The following PFKFB4 variants were observed in gnomAD, a reference collection of about 807,000 sequenced individuals.
PFKFB4 encodes the protein 6-phosphofructo-2-kinase/fructose-2,6-bisphosphatase 4.
In PFKFB4, 42 loss-of-function variants were observed where a neutral mutation model predicts 62.8. The observed-to-expected ratio is 0.67, with a 90% CI of 0.52 to 0.86. PFKFB4 has a LOEUF of 0.86. Ranked by LOEUF, PFKFB4 falls within the 40% of genes least tolerant of loss-of-function variation. PFKFB4 has a pLI of 0.00. For missense variants in PFKFB4, 475 were observed against 627.2 expected (o/e 0.76, Z 2.59); for synonymous variants, 204 against 240.7 (o/e 0.85, Z 1.41).
chr3:48,559,008 C>T (rs558969615), upstream of PFKFB4, among the ~76,000 whole-genome samples: 2 of 152,344 alleles, frequency 1.3e-5, no homozygotes, highest in East Asian at 3.9e-4. Context: ...TATCTACAGA[C>T]ACCCAGCACC....
intron 4 of PFKFB4, among the ~76,000 whole-genome samples, chr3:48,542,251 G>A (rs1051132263): frequency 6.0e-5 from 9 of 151,020 alleles, no homozygotes; most frequent in Non-Finnish European, 1.2e-4. Context: ...GGAGAGTGGC[G>A]TGAACCCAGG....
At chr3:48,535,486 G>A (rs1187418263) in intron 9 of PFKFB4, 26 bp downstream of exon 9, 6 of 1,594,940 alleles carry the variant, frequency 3.8e-6, no homozygotes, top group Non-Finnish European at 5.2e-6. Flanking sequence ...CTGGGAGGTA[G>A]ACAGGGAGGG....
chr3:48,556,685 G>C lies in PFKFB4; in HGVS notation c.93C>G (p.Arg31=). ...TCCCAGAGGACCCCGCCTCACCACC[G>C]CGCTGGCAAGCGTGCAGAGCGGGCC... The part of the protein sequence containing the change: ...NGRPALHACQ[R]GVCMTNCPTL... Residue 31 remains arginine (R), a synonymous_variant, in exon 1 of 14, where the codon CGC becomes CGG. Transcript: ENST00000232375. The surrounding 1 kb of genome is among the most constrained non-coding windows in gnomAD (Gnocchi z 5.7). 7.2e-7 allele frequency: 1 copy of C among 1,382,634 alleles called. No homozygotes were observed. The highest frequency in any genetic ancestry group is 1.1e-5 in the South Asian group (1 of 87,744). 85.6% of individuals were successfully genotyped at this position (1,382,634 alleles called of 1,614,324 possible).
chr3:48,538,945 G>A (rs2042715917), intron 6 of PFKFB4, among the ~76,000 whole-genome samples: 1 of 152,292 alleles, frequency 6.6e-6, no homozygotes, highest in African/African-American at 2.4e-5. Context: ...TGGGGGAGGG[G>A]AAGGAAAGAA....
chr3:48,536,763 G>C lies in PFKFB4; in HGVS notation c.633-300C>G, dbSNP rs937002035. The C allele has an allele frequency of 1.6e-5, 6 of 387,064 alleles. 1 individual carries two copies. The highest frequency in any genetic ancestry group is 1.2e-4 in the African/African-American group (6 of 49,672). 24.0% of individuals were successfully genotyped at this position (387,064 alleles called of 1,614,324 possible). A position where few individuals can be genotyped will look rare whatever the true frequency, so the allele number is the denominator to read the frequency against. On this transcript the variant is annotated intron_variant, in intron 7 of 13. Coordinates refer to ENST00000232375, the MANE Select transcript of PFKFB4 (RefSeq NM_004567.4). The stretch of plus-strand genomic sequence containing the variant: ...GCCATACCACATCATGACTTTCTCC[G>C]CTGCTCATGTGTCCCTGGGGCCCCT...
chr3:48,538,711 GA>G, intron 6 of PFKFB4, 92 bp from the exon 7 acceptor site: 1 of 1,551,318 alleles, frequency 6.4e-7, no homozygotes, highest in Non-Finnish European at 8.8e-7. Flanking sequence ...GGGGCTGGAG[GA>G]GGTTGCACCG....
intron 3 of PFKFB4, among the ~76,000 whole-genome samples, chr3:48,549,613 CCT>C (rs1441567128): frequency 6.6e-6 from 1 of 152,062 alleles, no homozygotes; most frequent in Non-Finnish European, 1.5e-5. Flanking sequence ...CACAACACAC[CCT>C]CTCCTCTCAT....
At chr3:48,538,673 G>T (rs2042706394) in intron 6 of PFKFB4, 54 bp from the exon 7 acceptor site, 1 of 1,610,766 alleles carries the variant, frequency 6.2e-7, no homozygotes, top group Non-Finnish European at 8.5e-7. Flanking sequence ...GCCAGGCGGG[G>T]CCAGAGACCA....
upstream of PFKFB4, among the ~76,000 whole-genome samples, chr3:48,558,062 TTAAG>T (rs1392128389): frequency 1.3e-5 from 2 of 152,182 alleles, no homozygotes; most frequent in African/African-American, 2.4e-5. Context: ...ACAGTATAAA[TTAAG>T]TATGTCAATC....
At chr3:48,529,266 A>C (rs1430416664) in intron 9 of PFKFB4, among the ~76,000 whole-genome samples, 1 of 151,604 alleles carries the variant, frequency 6.6e-6, no homozygotes, top group Non-Finnish European at 1.5e-5. Flanking sequence ...TAAAGCTATC[A>C]TTTTTTTAAA....
upstream of PFKFB4, chr3:48,562,728 T>C (rs2043452787): frequency 6.9e-7 from 1 of 1,452,442 alleles, no homozygotes; most frequent in East Asian, 2.5e-5. This position sits in a 1 kb window ranked among gnomAD's most constrained non-coding sequence, Gnocchi z 4.3. Context: ...GCTGTGTGGC[T>C]GCCCTCCAGG....
At chr3:48,545,233 G>A (rs2042925949) in intron 3 of PFKFB4, among the ~76,000 whole-genome samples, 1 of 152,130 alleles carries the variant, frequency 6.6e-6, no homozygotes. Flanking sequence ...CTGGGTTCAA[G>A]CAATTATCCT....
At chr3:48,557,389 T>A (rs1240535727), upstream of PFKFB4, among the ~76,000 whole-genome samples, 2 of 152,178 alleles carry the variant, frequency 1.3e-5, no homozygotes, top group Non-Finnish European at 2.9e-5. Flanking sequence ...GGGTCCCCCT[T>A]GACTGCTCCG....
At chr3:48,559,647 T>C, upstream of PFKFB4, 1 of 456,342 alleles carries the variant, frequency 2.2e-6, no homozygotes. Flanking sequence ...AGCCAGCTGT[T>C]CTGTCCCAGG....
chr3:48,520,915 GCCATCTGGGCCTT>G (rs2042077799), intron 13 of PFKFB4, among the ~76,000 whole-genome samples: 1 of 152,214 alleles, frequency 6.6e-6, no homozygotes, highest in Non-Finnish European at 1.5e-5. Flanking sequence ...GGGGCCCAGT[GCCATCTGGGCCTT>G]CCTTGGCCCA....
rs961042681 is a variant in PFKFB4, at chr3:48,518,454, C to T, written c.*1293G>A. ...GTCCACCTGTGGACAGCAGGGCACC[C>T]GATTACAAGTCCAGACACTTTCTGA... On this transcript the variant is annotated 3_prime_UTR_variant, in exon 14 of 14. Coordinates refer to ENST00000232375, the MANE Select transcript of PFKFB4 (RefSeq NM_004567.4). 2 of 152,286 alleles carry T rather than the reference C, an allele frequency of 1.3e-5. No individual in the cohort carries two copies. The highest frequency in any genetic ancestry group is 6.5e-5 in the Admixed American group (1 of 15,280). The allele number at this position is 152,286 out of a possible 1,614,324, so 9.4% of individuals were successfully genotyped here.
rs772762751 is a variant in PFKFB4 at position 48,538,663 on chromosome 3, G to A, written c.511-44C>T. 7 of 1,612,282 alleles carry A rather than the reference G, an allele frequency of 4.3e-6. No homozygotes were observed. The South Asian group carries it at 7.7e-5, about 18-fold the overall frequency. Reference sequence around the variant, plus strand: ...GAGAAAGGACATATCAGGGTCAGGAGCCAGGCGGGGCCAGAGACCAAGGAG... The same window carrying A: ...GAGAAAGGACATATCAGGGTCAGGAACCAGGCGGGGCCAGAGACCAAGGAG... On this transcript the variant is annotated intron_variant, in intron 6 of 13. Transcript: ENST00000232375.
At position 48,519,743 on chromosome 3, in the gene PFKFB4, A is replaced by G; in HGVS notation, c.*4T>C. ...TGCCTAGTGGTCACAGTGGATGAAC[A>G]TGGTCACTGGTGAGCAGGCACCGTG... On this transcript the variant is annotated 3_prime_UTR_variant, in exon 14 of 14. Transcript: ENST00000232375. 8 of 1,610,420 alleles carry G rather than the reference A, an allele frequency of 5.0e-6. No individual in the cohort carries two copies. Among genetic ancestry groups the G allele is most frequent in the Non-Finnish European group, 6.8e-6 (8 of 1,177,020 alleles).
intron 9 of PFKFB4, among the ~76,000 whole-genome samples, chr3:48,533,237 A>G (rs550381162): frequency 6.6e-6 from 1 of 152,270 alleles, no homozygotes; most frequent in East Asian, 1.9e-4. Flanking sequence ...CAGTGGGTAC[A>G]GAGTTTCTGT....
Sources: allele counts gnomAD v4.1 joint callset (sites outside exome capture counted in the v4.1 genomes callset), GRCh38; gene constraint gnomAD v4.1.1; non-coding constraint Gnocchi (gnomAD v3.1); transcripts MANE v1.5; gene names NCBI Gene and HGNC (gene_info 2026-07-23, HGNC 2026-07-21).